BICD1: variants seen among roughly 807,000 people sequenced by gnomAD.
BICD1 encodes protein bicaudal D homolog 1.
BICD1 carries 35 observed loss-of-function variants against 92.5 expected under a neutral mutation model. That is an observed-to-expected ratio of 0.38 (90% CI 0.29 to 0.50). BICD1 has a LOEUF of 0.50. BICD1 is among the 20% of genes least tolerant of loss of function. The pLI, the probability that BICD1 is intolerant of heterozygous loss-of-function variation, is 0.93. For synonymous variants in BICD1, 429 were observed against 465.1 expected (o/e 0.92, Z 1.00); for missense variants, 950 against 1,189.8 (o/e 0.80, Z 2.97).
chr12:32,202,079 C>A (rs143912303), intron 1 of BICD1, among the ~76,000 whole-genome samples: 11 of 152,254 alleles, frequency 7.2e-5, no homozygotes, highest in African/African-American at 2.6e-4. Context: ...CAGTGGTTGC[C>A]CACCATTTTT....
chr12:32,223,516 C>CAAA (rs60536204), intron 2 of BICD1, among the ~76,000 whole-genome samples: 7,714 of 102,486 alleles, frequency 0.075, 395 homozygotes, highest in East Asian at 0.31. Flanking sequence ...GACTTTGTCT[C>CAAA]AAAAAAAAAA....
intron 1 of BICD1, among the ~76,000 whole-genome samples, chr12:32,177,451 T>A (rs890221070): frequency 7.9e-5 from 12 of 151,536 alleles, no homozygotes; most frequent in Non-Finnish European, 1.5e-4. Context: ...CTTTTTTTTT[T>A]TTTAAAGAAG....
Position 32,382,981 on chromosome 12 carries a change from T to G in BICD1, c.*5354T>G, listed in dbSNP as rs748336639. On this transcript the variant is annotated 3_prime_UTR_variant, in exon 10 of 10. Coordinates refer to ENST00000652176, the MANE Select transcript of BICD1 (RefSeq NM_001714.4). ...ATGTTAAAGCTCAATGGTTTGACTATGAGAGTCAAACAATTACTATTTGAA... is the reference window on the plus strand; with the variant it reads ...ATGTTAAAGCTCAATGGTTTGACTAGGAGAGTCAAACAATTACTATTTGAA... 1.6e-4 allele frequency: 25 copies of G among 152,118 alleles called. No homozygotes were observed. The highest frequency in any genetic ancestry group is 3.4e-4 in the Non-Finnish European group (23 of 67,960). 9.4% of individuals were successfully genotyped at this position (152,118 alleles called of 1,614,324 possible).
At chr12:32,122,625 T>G (rs1003849142) in intron 1 of BICD1, among the ~76,000 whole-genome samples, 9 of 152,218 alleles carry the variant, frequency 5.9e-5, no homozygotes, top group Admixed American at 5.2e-4. Context: ...TGTGGCATAA[T>G]AAGTAATATA....
intron 1 of BICD1, among the ~76,000 whole-genome samples, chr12:32,127,365 G>C (rs148716568): frequency 1.4e-3 from 211 of 152,212 alleles, no homozygotes; most frequent in African/African-American, 4.8e-3. Flanking sequence ...TTTTTCCCAT[G>C]ATTCCACCCC....
intron 4 of BICD1, among the ~76,000 whole-genome samples, chr12:32,317,119 G>A (rs1462713357): frequency 1.3e-5 from 2 of 152,136 alleles, no homozygotes; most frequent in Non-Finnish European, 2.9e-5. Context: ...TTGGACATTT[G>A]GGTTGGTTCC....
rs1203170670 is a variant in BICD1, at chr12:32,106,962, A to G, written c.-370A>G. 2.1e-5 allele frequency: 5 copies of G among 234,754 alleles called. No homozygotes were observed. Among genetic ancestry groups the G allele is most frequent in the Non-Finnish European group, 3.3e-5 (4 of 120,280 alleles). The allele number at this position is 234,754 out of a possible 1,614,324, so 14.5% of individuals were successfully genotyped here. A position where few individuals can be genotyped will look rare whatever the true frequency, so the allele number is the denominator to read the frequency against. On this transcript the variant is annotated 5_prime_UTR_variant, in exon 1 of 10. An upstream start codon of the reference 5' UTR is lost. Transcript: ENST00000652176. ...ACTGCAGTGACGCGGCCCGGGAGACATGGCGGACGGGCGTCTCTGAATAAG... is the reference window on the plus strand; with the variant it reads ...ACTGCAGTGACGCGGCCCGGGAGACGTGGCGGACGGGCGTCTCTGAATAAG...
chr12:32,275,149 C>T (rs1040483372), intron 2 of BICD1, among the ~76,000 whole-genome samples: 1 of 152,058 alleles, frequency 6.6e-6, no homozygotes, highest in Non-Finnish European at 1.5e-5. Context: ...AACTTTTAAT[C>T]CCTTGATTTG....
chr12:32,302,036 G>A (rs1948064094), intron 3 of BICD1, among the ~76,000 whole-genome samples: 1 of 151,916 alleles, frequency 6.6e-6, no homozygotes. Flanking sequence ...ACATGCACCT[G>A]CCACCACGCC....
intron 2 of BICD1, among the ~76,000 whole-genome samples, chr12:32,241,317 C>G (rs560943702): frequency 1.3e-5 from 2 of 152,170 alleles, no homozygotes; most frequent in Admixed American, 6.5e-5. Flanking sequence ...GCATGCCTAC[C>G]TTTATTAGAC....
At chr12:32,115,718 A>C (rs1230509230) in intron 1 of BICD1, among the ~76,000 whole-genome samples, 1 of 152,224 alleles carries the variant, frequency 6.6e-6, no homozygotes, top group African/African-American at 2.4e-5. Flanking sequence ...ACCCAGGGGA[A>C]TGATACCAGG....
At chr12:32,121,572 G>T (rs967498666) in intron 1 of BICD1, among the ~76,000 whole-genome samples, 53 of 149,622 alleles carry the variant, frequency 3.5e-4, no homozygotes, top group African/African-American at 1.2e-3. Flanking sequence ...CAGCCTGGGC[G>T]AGAGTCTTGT....
At chr12:32,203,836 G>A (rs1006192176) in intron 1 of BICD1, among the ~76,000 whole-genome samples, 2 of 151,900 alleles carry the variant, frequency 1.3e-5, no homozygotes, top group African/African-American at 4.8e-5. Context: ...AACTCAATAG[G>A]GGTCTGGCAC....
chr12:32,262,178 T>C (rs924254289), intron 2 of BICD1, among the ~76,000 whole-genome samples: 1 of 152,240 alleles, frequency 6.6e-6, no homozygotes, highest in African/African-American at 2.4e-5. Flanking sequence ...GTGAGCACTG[T>C]CTTCAAACCC....
intron 1 of BICD1, among the ~76,000 whole-genome samples, chr12:32,120,915 A>G (rs1352332968): frequency 3.3e-5 from 5 of 151,532 alleles, no homozygotes; most frequent in Non-Finnish European, 5.9e-5. Context: ...AGGAAAAAAT[A>G]TAATGTGCTC....
At chr12:32,321,064 G>A (rs1372473554) in intron 4 of BICD1, among the ~76,000 whole-genome samples, 4 of 152,062 alleles carry the variant, frequency 2.6e-5, no homozygotes, top group Non-Finnish European at 4.4e-5. Context: ...AGTGGCTCAC[G>A]CCTGTAATCC....
At chr12:32,132,449 T>A in intron 1 of BICD1, among the ~76,000 whole-genome samples, 1 of 147,098 alleles carries the variant, frequency 6.8e-6, no homozygotes. Flanking sequence ...GAGATGAGAA[T>A]GAACTGGGTT....
chr12:32,342,182 G>GTA (rs200952681), intron 8 of BICD1, among the ~76,000 whole-genome samples: 28 of 110,806 alleles, frequency 2.5e-4, no homozygotes, highest in East Asian at 5.0e-4. Flanking sequence ...ATATATGTGT[G>GTA]TATATATATA....
chr12:32,111,828 C>T (rs1475095231), intron 1 of BICD1, among the ~76,000 whole-genome samples: 1 of 151,578 alleles, frequency 6.6e-6, no homozygotes, highest in African/African-American at 2.4e-5. Flanking sequence ...AGGATGGTCT[C>T]GATGTTTTTA....
Sources: allele counts gnomAD v4.1 joint callset (sites outside exome capture counted in the v4.1 genomes callset), GRCh38; gene constraint gnomAD v4.1.1; transcripts MANE v1.5; gene names NCBI Gene and HGNC (gene_info 2026-07-23, HGNC 2026-07-21).